The following MYO5C variants were observed in gnomAD, a reference collection of about 807,000 sequenced individuals.
MYO5C encodes myosin VC, also known as unconventional myosin-Vc.
MYO5C carries 194 observed loss-of-function variants against 235.7 expected under a neutral mutation model. That is an observed-to-expected ratio of 0.82 (90% CI 0.73 to 0.93). The LOEUF (loss-of-function observed/expected upper bound fraction) is 0.93, where lower values mean the gene tolerates loss of function less well. Among genes scored for constraint, MYO5C ranks in the 40% least tolerant of loss-of-function variants. The pLI, the probability that MYO5C is intolerant of heterozygous loss-of-function variation, is 0.00. For synonymous variants in MYO5C, 707 were observed against 754.8 expected (o/e 0.94, Z 1.04); for missense variants, 2,038 against 2,127.2 (o/e 0.96, Z 0.82).
chr15:52,221,209 T>G lies in MYO5C; in HGVS notation c.3674A>C (p.Lys1225Thr). ...ATTCAGGCGGATTTCAAGATCTTGC[T>G]TCTGTTTCTCCAATTCTGAAATTTG... ...KQQISELEKQ[K>T]QDLEIRLNEQ... Residue 1225 changes from lysine to threonine, a missense_variant, in exon 30 of 41, where the codon AAG (lysine) becomes ACG (threonine). Transcript: ENST00000261839. 1.2e-6 allele frequency: 2 copies of G among 1,613,446 alleles called. No homozygotes were observed. The highest frequency in any genetic ancestry group is 1.7e-6 in the Non-Finnish European group (2 of 1,179,628).
intron 2 of MYO5C, among the ~76,000 whole-genome samples, chr15:52,281,334 C>G (rs760434552): frequency 1.2e-4 from 18 of 152,224 alleles, no homozygotes; most frequent in Non-Finnish European, 2.4e-4. Flanking sequence ...GGTCTGGCTG[C>G]CCGCCATCCT....
Position 52,251,478 on chromosome 15 carries a change from A to G in MYO5C, c.1574T>C (p.Leu525Pro). The G allele has an allele frequency of 6.2e-7, 1 of 1,607,170 alleles. No homozygotes were observed. The highest frequency in any genetic ancestry group is 1.1e-5 in the South Asian group (1 of 90,080). Residue 525 changes from leucine (L) to proline (P), a missense_variant, in exon 13 of 41, where the codon CTG (leucine) becomes CCG (proline). By Grantham distance (98) the Leu-to-Pro change is moderately conservative. Transcript: ENST00000261839. ...HGTDENWLQK[L>P]YNNFVNRNPL... ...GTTCCTGTTGACAAAATTATTATACAGCTTTTGAAGCCAGTTTTCATCAGT... is the reference window on the plus strand; with the variant it reads ...GTTCCTGTTGACAAAATTATTATACGGCTTTTGAAGCCAGTTTTCATCAGT...
chr15:52,259,236 C>T (rs183836062), intron 10 of MYO5C, among the ~76,000 whole-genome samples: 31 of 152,060 alleles, frequency 2.0e-4, no homozygotes, highest in Admixed American at 6.5e-4. Context: ...CTGGCTAATA[C>T]GGTGAAACCC....
At chr15:52,228,199 A>T (rs954903967) in intron 25 of MYO5C, among the ~76,000 whole-genome samples, 1 of 151,748 alleles carries the variant, frequency 6.6e-6, no homozygotes, top group Non-Finnish European at 1.5e-5. Context: ...GCTGGAGTGC[A>T]GTGGCGCGAT....
At chr15:52,284,925 G>A (rs1301427508) in intron 1 of MYO5C, among the ~76,000 whole-genome samples, 2 of 150,754 alleles carry the variant, frequency 1.3e-5, no homozygotes, top group African/African-American at 4.9e-5. Flanking sequence ...CTGGAGCCTC[G>A]AACTCCTGGG....
intron 24 of MYO5C, 140 bp downstream of exon 24, chr15:52,232,482 A>T: frequency 1.3e-6 from 1 of 764,332 alleles, no homozygotes; most frequent in South Asian, 1.5e-5. Context: ...AGCTCTCATA[A>T]ATCTCTAATC....
In MYO5C at chr15:52,272,741, C is replaced by CT; in HGVS notation, c.607-19dup. On this transcript the variant is annotated intron_variant, in intron 5 of 40. Coordinates refer to ENST00000261839, the MANE Select transcript of MYO5C (RefSeq NM_018728.4). ...CCAACGGCCTAAAAAAAATAAGACT[C>CT]TATTGAAATAACAACATTAAAAGAT... 1.2e-6 allele frequency: 2 copies of CT among 1,609,786 alleles called. No individual in the cohort carries two copies. The highest frequency in any genetic ancestry group is 1.7e-6 in the Non-Finnish European group (2 of 1,178,648).
At chr15:52,230,927 A>G (rs532512588) in intron 24 of MYO5C, among the ~76,000 whole-genome samples, 1 of 150,088 alleles carries the variant, frequency 6.7e-6, no homozygotes, top group African/African-American at 2.5e-5. Flanking sequence ...TCCCGGTTTC[A>G]AGTGATTCTC....
At chr15:52,248,462 AATGGTTCT>A (rs2036400652) in intron 14 of MYO5C, among the ~76,000 whole-genome samples, 1 of 152,086 alleles carries the variant, frequency 6.6e-6, no homozygotes, top group Admixed American at 6.5e-5. Context: ...GTGATTCTTC[AATGGTTCT>A]ATTAGCTGTC....
chr15:52,252,376 C>T (rs2141335627), intron 12 of MYO5C, among the ~76,000 whole-genome samples: 1 of 152,148 alleles, frequency 6.6e-6, no homozygotes, highest in South Asian at 2.1e-4. Context: ...AATTAACTCA[C>T]TCCTTGAAAT....
Position 52,264,269 on chromosome 15 carries a change from A to C in MYO5C, c.968T>G (p.Val323Gly). ...TAGGATGGCTGCCAGGATTTTAAAA[A>C]CGTCCATCTGAAAATCCTCCTTGAA... Reference protein sequence around the residue: ...LGFKEDFQMDVFKILAAILHL... With the variant: ...LGFKEDFQMDGFKILAAILHL... Residue 323 changes from valine (V) to glycine (G), a missense_variant, in exon 9 of 41, where the codon GTT (valine) becomes GGT (glycine). Physicochemically the swap from Val to Gly is moderately radical, Grantham distance 109. Transcript: ENST00000261839. 6.2e-7 allele frequency: 1 copy of C among 1,614,126 alleles called. No individual in the cohort carries two copies. The highest frequency in any genetic ancestry group is 8.5e-7 in the Non-Finnish European group (1 of 1,179,966).
chr15:52,215,626 C>T (rs561282536), intron 32 of MYO5C, among the ~76,000 whole-genome samples: 1 of 152,284 alleles, frequency 6.6e-6, no homozygotes, highest in Admixed American at 6.5e-5. Flanking sequence ...AGTACAGCTT[C>T]CTCCCTCCAA....
At position 52,223,723 on chromosome 15, in the gene MYO5C, C is replaced by T. The variant is rs753280565; in HGVS notation, c.3448G>A (p.Val1150Ile). 33 of 1,613,194 alleles carry T rather than the reference C, an allele frequency of 2.0e-5. No individual in the cohort carries two copies. The highest frequency in any genetic ancestry group is 2.7e-5 in the Non-Finnish European group (32 of 1,179,664). Residue 1150 changes from valine (V) to isoleucine (I), a missense_variant and splice_region_variant, in exon 29 of 41, where the codon GTT (valine) becomes ATT (isoleucine). By Grantham distance (29) the Val-to-Ile change is conservative (BLOSUM62 3). Transcript: ENST00000261839. ...TGAGACTGGAAATGGCTCTCCAAAA[C>T]ACTATTAAAGGAGGGGTCAAGAAAT... ...AYEGLKKATR[V>I]LESHFQSQKD...
At chr15:52,273,965 A>G (rs2036981914) in intron 5 of MYO5C, among the ~76,000 whole-genome samples, 1 of 151,730 alleles carries the variant, frequency 6.6e-6, no homozygotes, top group Admixed American at 6.6e-5. Flanking sequence ...TTTCCACTCA[A>G]CCAAAAAACT....
chr15:52,272,537 A>C (rs757668048), intron 6 of MYO5C, 43 bp downstream of exon 6: 5 of 1,600,352 alleles, frequency 3.1e-6, no homozygotes, highest in Non-Finnish European at 4.3e-6. Flanking sequence ...TGTAAATGTA[A>C]ATAATGCTCA....
chr15:52,245,260 C>T, intron 18 of MYO5C, 94 bp downstream of exon 18: 1 of 879,974 alleles, frequency 1.1e-6, no homozygotes. Flanking sequence ...TTCATGATTA[C>T]AGTCCTGAGC....
chr15:52,273,495 A>G (rs2140847490), intron 5 of MYO5C, among the ~76,000 whole-genome samples: 1 of 152,312 alleles, frequency 6.6e-6, no homozygotes, highest in Admixed American at 6.5e-5. Context: ...GCCTTTGGGA[A>G]GTAATGATGT....
chr15:52,208,508 A>T (rs1459664298), intron 36 of MYO5C, 46 bp downstream of exon 36: 2 of 1,570,426 alleles, frequency 1.3e-6, no homozygotes, highest in Non-Finnish European at 1.8e-6. Flanking sequence ...AGGAGGTTAT[A>T]GACTGGCTGT....
chr15:52,224,405 TGAG>T (rs1244305532), intron 28 of MYO5C, among the ~76,000 whole-genome samples: 3 of 152,158 alleles, frequency 2.0e-5, no homozygotes, highest in Admixed American at 6.5e-5. Context: ...ACTATAGACT[TGAG>T]GTGACAGTGG....
Sources: allele counts gnomAD v4.1 joint callset (sites outside exome capture counted in the v4.1 genomes callset), GRCh38; gene constraint gnomAD v4.1.1; transcripts MANE v1.5; gene names NCBI Gene and HGNC (gene_info 2026-07-23, HGNC 2026-07-21).